PLEKHM3: variants seen among roughly 807,000 people sequenced by gnomAD.
The protein encoded by PLEKHM3 is pleckstrin homology domain containing M3.
In PLEKHM3, 45 loss-of-function variants were observed where a neutral mutation model predicts 81.8. The ratio of observed to expected loss-of-function variants is 0.55; its 90% CI spans 0.43 to 0.71. The LOEUF (loss-of-function observed/expected upper bound fraction) is 0.71, where lower values mean the gene tolerates loss of function less well. Among genes scored for constraint, PLEKHM3 ranks in the 30% least tolerant of loss-of-function variants. The pLI, the probability that PLEKHM3 is intolerant of heterozygous loss-of-function variation, is 0.00. For missense variants in PLEKHM3, 788 were observed against 924.3 expected, an observed-to-expected ratio of 0.85 and a Z score of 1.91; for synonymous variants, 352 against 356.4, an observed-to-expected ratio of 0.99 and a Z score of 0.14.
At chr2:207,881,007 G>C (rs1170546406) in intron 6 of PLEKHM3, among the ~76,000 whole-genome samples, 1 of 151,504 alleles carries the variant, frequency 6.6e-6, no homozygotes, top group African/African-American at 2.4e-5. Flanking sequence ...TCAGAATATA[G>C]TAGTTCTGAA....
At chr2:207,875,229 T>C (rs143565906) in intron 6 of PLEKHM3, among the ~76,000 whole-genome samples, 1 of 152,214 alleles carries the variant, frequency 6.6e-6, no homozygotes, top group East Asian at 1.9e-4. Context: ...ACCAATGTTA[T>C]AACTTAAACA....
chr2:207,825,552 T>G lies in PLEKHM3; in HGVS notation c.*2767A>C, dbSNP rs764629366. The G allele has an allele frequency of 6.6e-6, 1 of 152,196 alleles. No individual in the cohort carries two copies. The highest frequency in any genetic ancestry group is 1.5e-5 in the Non-Finnish European group (1 of 68,030). The allele number at this position is 152,196 out of a possible 1,614,324, so 9.4% of individuals were successfully genotyped here. A position where few individuals can be genotyped will look rare whatever the true frequency, so the allele number is the denominator to read the frequency against. On this transcript the variant is annotated 3_prime_UTR_variant, in exon 8 of 8. Coordinates refer to ENST00000427836, the MANE Select transcript of PLEKHM3 (RefSeq NM_001080475.3). ...TTACCTAACAGTGCACCAAGTAATT[T>G]GTTAAAGTTGAAAACAGTAAGGGCG...
rs937264518 is a variant in PLEKHM3 at position 207,821,335 on chromosome 2, A to G, written c.*6984T>C. 2.0e-5 allele frequency: 3 copies of G among 152,162 alleles called. No homozygotes were observed. The highest frequency in any genetic ancestry group is 7.2e-5 in the African/African-American group (3 of 41,426). The allele number at this position is 152,162 out of a possible 1,614,324, so 9.4% of individuals were successfully genotyped here. A position where few individuals can be genotyped will look rare whatever the true frequency, so the allele number is the denominator to read the frequency against. ...GAGAGAGAGAGAGAGAACTTTATAC[A>G]TTAGGAACTGGTGCACTTAAATTAT... On this transcript the variant is annotated 3_prime_UTR_variant, in exon 8 of 8. Coordinates refer to ENST00000427836, the MANE Select transcript of PLEKHM3 (RefSeq NM_001080475.3).
intron 6 of PLEKHM3, among the ~76,000 whole-genome samples, chr2:207,907,427 G>C (rs111760093): frequency 1.8e-4 from 28 of 152,122 alleles, no homozygotes; most frequent in African/African-American, 6.5e-4. Context: ...GCTTGAACCC[G>C]GGAGGCAGAG....
At chr2:208,020,359 A>T (rs897364267) in intron 1 of PLEKHM3, among the ~76,000 whole-genome samples, 1 of 152,264 alleles carries the variant, frequency 6.6e-6, no homozygotes, top group African/African-American at 2.4e-5. Context: ...TAATGAAAAC[A>T]GCATGCCTGA....
chr2:207,994,679 T>C (rs137890491), intron 2 of PLEKHM3, among the ~76,000 whole-genome samples: 2 of 152,342 alleles, frequency 1.3e-5, no homozygotes, highest in African/African-American at 4.8e-5. Flanking sequence ...GTCCACCATC[T>C]ACCTTGAGGT....
At position 207,917,085 on chromosome 2, in the gene PLEKHM3, CT is replaced by C. The variant is rs570054365; in HGVS notation, c.1887-8509del. 1.4e-4 allele frequency among the ~76,000 whole-genome samples: 22 copies of C among 152,292 alleles called. No homozygotes were observed. In the South Asian group the frequency reaches 2.5e-3, roughly 17 times the overall value. On this transcript the variant is annotated intron_variant, in intron 5 of 7. Coordinates refer to ENST00000427836, the MANE Select transcript of PLEKHM3 (RefSeq NM_001080475.3). ...GAAGATAGATGACTCAAAAACCACA[CT>C]TTTAGAAGTCATCTAATGGAAAAGA...
At chr2:207,854,089 T>A (rs1328140353) in intron 7 of PLEKHM3, among the ~76,000 whole-genome samples, 1 of 152,178 alleles carries the variant, frequency 6.6e-6, no homozygotes, top group Non-Finnish European at 1.5e-5. Context: ...GAATTTTTTT[T>A]TTAACTGAAC....
At chr2:207,859,136 C>CTTTTTTTTTTTTT (rs371493664) in intron 7 of PLEKHM3, among the ~76,000 whole-genome samples, 1 of 118,352 alleles carries the variant, frequency 8.4e-6, no homozygotes, top group Non-Finnish European at 1.7e-5. Context: ...TTTTCTTTTT[C>CTTTTTTTTTTTTT]TTTTTTTTTT....
chr2:207,880,762 C>CAAAAAAAAAAAAA (rs61384566), intron 6 of PLEKHM3, among the ~76,000 whole-genome samples: 606 of 6,946 alleles, frequency 0.087, 220 homozygotes, highest in East Asian at 0.27. Flanking sequence ...GACTCTGTCT[C>CAAAAAAAAAAAAA]AAAAAAAAAA....
chr2:207,949,319 C>T (rs1163851803), intron 3 of PLEKHM3, among the ~76,000 whole-genome samples: 9 of 152,166 alleles, frequency 5.9e-5, no homozygotes, highest in South Asian at 4.1e-4. Flanking sequence ...AGGCCAAGGC[C>T]GGTGGATTGC....
intron 1 of PLEKHM3, among the ~76,000 whole-genome samples, chr2:208,020,030 T>C (rs759197599): frequency 6.6e-6 from 1 of 152,262 alleles, no homozygotes; most frequent in East Asian, 1.9e-4. Context: ...TAGTTATATT[T>C]CTGATGTTTC....
Position 207,908,588 on chromosome 2 carries a change from G to A in PLEKHM3, c.1887-11C>T, listed in dbSNP as rs1195567194. On this transcript the variant is annotated splice_polypyrimidine_tract_variant and intron_variant, in intron 5 of 7. Transcript: ENST00000427836. ...TCTCTGGGGAAAATTCTGAAAACAA[G>A]GGCAGATAGACAAGTGAACTGTGGT... is the stretch of plus-strand genomic sequence containing the variant. 1.9e-6 allele frequency: 3 copies of A among 1,603,466 alleles called. No individual in the cohort carries two copies. In the South Asian group the frequency reaches 3.3e-5, roughly 18 times the overall value.
intron 6 of PLEKHM3, among the ~76,000 whole-genome samples, chr2:207,899,809 G>T (rs970387730): frequency 5.9e-5 from 9 of 152,172 alleles, no homozygotes; most frequent in Non-Finnish European, 2.9e-5. Flanking sequence ...CCCCATGGAA[G>T]AAACACTGTA....
chr2:207,842,990 A>G (rs899961812), intron 7 of PLEKHM3, among the ~76,000 whole-genome samples: 1 of 152,178 alleles, frequency 6.6e-6, no homozygotes, highest in Non-Finnish European at 1.5e-5. Context: ...TCCATCACCC[A>G]GGCTGGAGTG....
chr2:207,976,631 G>A lies in PLEKHM3; in HGVS notation c.1546+20C>T. 6.2e-7 allele frequency: 1 copy of A among 1,600,044 alleles called. No individual in the cohort carries two copies. On this transcript the variant is annotated intron_variant, in intron 3 of 7. Coordinates refer to ENST00000427836, the MANE Select transcript of PLEKHM3 (RefSeq NM_001080475.3). This position sits in a 1 kb window ranked among gnomAD's most constrained non-coding sequence, Gnocchi z 4.1. ...AGGATTGTTCTTTAATGAGCTATAG[G>A]CTGAAAATCTGCTTCATACCTGCAC...
rs556107278 is a variant in PLEKHM3, at chr2:208,008,542, T to G, written c.-318-6585A>C. On this transcript the variant is annotated intron_variant, in intron 1 of 7. Coordinates refer to ENST00000427836, the MANE Select transcript of PLEKHM3 (RefSeq NM_001080475.3). ...AAAAAAAAACAGACAAAAAAAAATG[T>G]CCCAGGGAGTGCTGTGCCTACTTAT... is the stretch of plus-strand genomic sequence containing the variant. Among the ~76,000 whole-genome samples the G allele has an allele frequency of 1.5e-3, 208 of 138,892 alleles. 1 individual carries two copies. The Middle Eastern group carries it at 0.019, about 13-fold the overall frequency. 91.1% of individuals were successfully genotyped at this position (138,892 alleles called of 152,430 possible). A position where few individuals can be genotyped will look rare whatever the true frequency, so the allele number is the denominator to read the frequency against.
chr2:207,913,682 A>G lies in PLEKHM3; in HGVS notation c.1887-5105T>C, dbSNP rs149463544. On this transcript the variant is annotated intron_variant, in intron 5 of 7. Transcript: ENST00000427836. ...AGTCAACTTTAAAGAAAAGGAGGGA[A>G]ATTGGGCCACAGCTAAAGAAGGATG... 1.5e-4 allele frequency among the ~76,000 whole-genome samples: 23 copies of G among 152,146 alleles called. 1 individual carries two copies. The highest frequency in any genetic ancestry group is 5.5e-4 in the African/African-American group (23 of 41,500).
intron 7 of PLEKHM3, chr2:207,852,771 G>A (rs769538451): frequency 2.3e-6 from 1 of 441,846 alleles, no homozygotes; most frequent in South Asian, 1.6e-5. Flanking sequence ...TGGGATCAAT[G>A]AAAACCCAAA....
Sources: gnomAD v4.1 joint callset for allele counts (sites outside exome capture counted in the v4.1 genomes callset) on GRCh38, gnomAD v4.1.1 for gene constraint, Gnocchi (gnomAD v3.1) non-coding constraint, MANE v1.5 for transcripts, NCBI Gene and HGNC (gene_info 2026-07-23, HGNC 2026-07-21) for gene names.